Variants in RAB30 observed in about 807,000 individuals in gnomAD.
The protein encoded by RAB30 is RAB30, member RAS oncogene family, also known as ras-related protein Rab-30.
Under a neutral mutation model 25.1 loss-of-function variants are expected in RAB30, and 9 were observed. The observed-to-expected ratio is 0.36, with a 90% CI of 0.22 to 0.63. RAB30 has a LOEUF of 0.63. RAB30 is among the 20% of genes least tolerant of loss of function. The pLI is 0.69. For missense variants in RAB30, 140 were observed against 243.5 expected (o/e 0.58, Z 2.83); for synonymous variants, 77 against 86.4 (o/e 0.89, Z 0.60).
At chr11:83,011,827 TC>T (rs1857310508) in intron 1 of RAB30, among the ~76,000 whole-genome samples, 1 of 152,090 alleles carries the variant, frequency 6.6e-6, no homozygotes, top group African/African-American at 2.4e-5. Flanking sequence ...TCTTCCTGCC[TC>T]CCCACTTGCA....
intron 1 of RAB30, among the ~76,000 whole-genome samples, chr11:83,027,224 T>C (rs547701179): frequency 6.6e-6 from 1 of 152,148 alleles, no homozygotes; most frequent in Admixed American, 6.6e-5. Context: ...GATGGGTACA[T>C]GGGAATTCAC....
At chr11:83,019,540 T>C (rs1857516957) in intron 1 of RAB30, among the ~76,000 whole-genome samples, 1 of 152,104 alleles carries the variant, frequency 6.6e-6, no homozygotes, top group Non-Finnish European at 1.5e-5. Flanking sequence ...CGTCTTTCTC[T>C]CACCTAGCTT....
intron 1 of RAB30, among the ~76,000 whole-genome samples, chr11:83,051,738 T>C (rs546378711): frequency 2.0e-5 from 3 of 151,752 alleles, no homozygotes; most frequent in East Asian, 3.9e-4. Flanking sequence ...CTCAGAAGCA[T>C]GTATGAAGTT....
intron 1 of RAB30, among the ~76,000 whole-genome samples, chr11:83,067,523 T>G (rs902850911): frequency 3.9e-5 from 6 of 152,178 alleles, no homozygotes; most frequent in African/African-American, 1.4e-4. Flanking sequence ...AAACTCAGCA[T>G]GTCCAAAGGT....
intron 1 of RAB30, among the ~76,000 whole-genome samples, chr11:83,053,491 A>G (rs1203256502): frequency 3.3e-5 from 5 of 152,252 alleles, no homozygotes; most frequent in African/African-American, 4.8e-5. Context: ...CACATATATT[A>G]CCCAGTGTCT....
Position 82,981,830 on chromosome 11 carries a change from G to T in RAB30, c.*335C>A, listed in dbSNP as rs1173920583. On this transcript the variant is annotated 3_prime_UTR_variant, in exon 5 of 5. Transcript: ENST00000527633. ...CATGCACCCACTGATGTGCAGGAGGGATCCCTACAGTACATTTCCCCCCGG... is the reference window on the plus strand; with the variant it reads ...CATGCACCCACTGATGTGCAGGAGGTATCCCTACAGTACATTTCCCCCCGG... 2.7e-5 allele frequency: 7 copies of T among 261,366 alleles called. No homozygotes were observed. The highest frequency in any genetic ancestry group is 2.0e-4 in the Admixed American group (4 of 20,432). 16.2% of individuals were successfully genotyped at this position (261,366 alleles called of 1,614,324 possible).
At chr11:83,055,102 T>A (rs776897514) in intron 1 of RAB30, among the ~76,000 whole-genome samples, 20 of 152,186 alleles carry the variant, frequency 1.3e-4, no homozygotes, top group Non-Finnish European at 2.8e-4. Flanking sequence ...TTTGGACAGG[T>A]TACTTCCTCT....
At chr11:82,984,931 G>C (rs1419184008) in intron 4 of RAB30, among the ~76,000 whole-genome samples, 1 of 152,184 alleles carries the variant, frequency 6.6e-6, no homozygotes, top group Non-Finnish European at 1.5e-5. Context: ...GGAACAATGG[G>C]AGCATCAATA....
intron 1 of RAB30, among the ~76,000 whole-genome samples, chr11:83,070,651 A>G (rs1858817548): frequency 6.6e-6 from 1 of 152,068 alleles, no homozygotes; most frequent in Non-Finnish European, 1.5e-5. Flanking sequence ...TATTGCCCTA[A>G]TTATCCCTAT....
At chr11:83,051,426 C>T (rs1858354890) in intron 1 of RAB30, among the ~76,000 whole-genome samples, 1 of 152,196 alleles carries the variant, frequency 6.6e-6, no homozygotes, top group Non-Finnish European at 1.5e-5. Flanking sequence ...CCTTCCCACA[C>T]ATTCTCTCTT....
chr11:83,029,007 A>T (rs985049896), intron 1 of RAB30, among the ~76,000 whole-genome samples: 4 of 152,120 alleles, frequency 2.6e-5, no homozygotes, highest in African/African-American at 9.7e-5. Flanking sequence ...TGGGCAACTG[A>T]GTGAGACCCT....
chr11:83,065,602 A>T (rs1409508879), intron 1 of RAB30, among the ~76,000 whole-genome samples: 1 of 152,170 alleles, frequency 6.6e-6, no homozygotes, highest in East Asian at 1.9e-4. Flanking sequence ...CAAAAATTCT[A>T]CATCAGTGAT....
intron 1 of RAB30, among the ~76,000 whole-genome samples, chr11:83,014,634 A>G (rs1320734888): frequency 1.8e-5 from 2 of 112,710 alleles, no homozygotes; most frequent in Admixed American, 1.1e-4. Flanking sequence ...AGAAGTAAGA[A>G]AAAGAAAGAA....
intron 1 of RAB30, among the ~76,000 whole-genome samples, chr11:83,063,798 C>T (rs538988008): frequency 3.9e-5 from 6 of 152,240 alleles, no homozygotes; most frequent in Admixed American, 3.9e-4. Context: ...AGATATCTTA[C>T]AGAAATATTC....
intron 1 of RAB30, among the ~76,000 whole-genome samples, chr11:83,010,801 C>T (rs530422518): frequency 6.6e-6 from 1 of 152,220 alleles, no homozygotes; most frequent in Non-Finnish European, 1.5e-5. Context: ...AACAAAAATA[C>T]TCATTACCTC....
intron 1 of RAB30, among the ~76,000 whole-genome samples, chr11:83,058,985 C>T (rs1858510197): frequency 1.3e-5 from 2 of 152,238 alleles, no homozygotes; most frequent in South Asian, 4.1e-4. Context: ...CTCTGTCACC[C>T]AGGTTGGAGT....
intron 1 of RAB30, among the ~76,000 whole-genome samples, chr11:83,036,860 A>C (rs1043687265): frequency 1.3e-5 from 2 of 152,210 alleles, no homozygotes; most frequent in African/African-American, 4.8e-5. Flanking sequence ...AAGGAACATA[A>C]AGGAGAACAG....
intron 1 of RAB30, among the ~76,000 whole-genome samples, chr11:83,015,009 G>A (rs956151758): frequency 6.6e-6 from 1 of 152,196 alleles, no homozygotes; most frequent in African/African-American, 2.4e-5. Flanking sequence ...TGAGCACATG[G>A]TCAACAAGAA....
At chr11:83,023,923 C>T (rs779229490) in intron 1 of RAB30, among the ~76,000 whole-genome samples, 1 of 152,186 alleles carries the variant, frequency 6.6e-6, no homozygotes, top group Non-Finnish European at 1.5e-5. Context: ...CTCCCATCTC[C>T]CATACAGAGG....
Sources: gnomAD v4.1 joint callset for allele counts (sites outside exome capture counted in the v4.1 genomes callset) on GRCh38, gnomAD v4.1.1 for gene constraint, MANE v1.5 for transcripts, NCBI Gene and HGNC (gene_info 2026-07-23, HGNC 2026-07-21) for gene names.